ZBTB16: variants seen among roughly 807,000 people sequenced by gnomAD.
ZBTB16 encodes zinc finger and BTB domain containing 16.
A neutral mutation model predicts 56.8 loss-of-function variants in ZBTB16; 8 were observed. The observed-to-expected ratio is 0.14, with a 90% confidence interval of 0.08 to 0.25. ZBTB16 has a LOEUF of 0.25. Ranked by LOEUF, ZBTB16 falls within the 10% of genes least tolerant of loss-of-function variation. The probability of loss-of-function intolerance (pLI) is 1.00; values close to 1 mark genes in which losing one functional copy is unlikely to be tolerated. For missense variants in ZBTB16, 625 were observed against 903.0 expected (o/e 0.69, Z 3.95); for synonymous variants, 363 against 368.5 (o/e 0.98, Z 0.17).
In ZBTB16 at chr11:114,112,943, A is replaced by T. The variant is rs558413602; in HGVS notation, c.1269-43394A>T. On this transcript the variant is annotated intron_variant, in intron 2 of 6. Transcript: ENST00000335953. ...CCATACCTAGGTTTTTAAATTTTTT[A>T]AAATTTTTTCTTAGAGATGGGATCT... Among the ~76,000 whole-genome samples, 20 of 151,982 alleles carry T rather than the reference A, an allele frequency of 1.3e-4. No homozygotes were observed. In the South Asian group the frequency reaches 1.7e-3, roughly 13 times the overall value.
Position 114,063,826 on chromosome 11 carries a change from C to G in ZBTB16, c.526C>G (p.Leu176Val), listed in dbSNP as rs753409807. 1 of 1,614,158 alleles carries G rather than the reference C, an allele frequency of 6.2e-7. No homozygotes were observed. The highest frequency in any genetic ancestry group is 1.7e-5 in the Admixed American group (1 of 60,032). Residue 176 changes from leucine to valine, a missense_variant, in exon 2 of 7, where the codon CTC becomes GTC. Transcript: ENST00000335953. The surrounding 1 kb of genome is among the most constrained non-coding windows in gnomAD (Gnocchi z 6.5). ...SGYASVAGQS[L>V]PGPMVDQSPS... is the part of the protein sequence containing the mutation. ...GTATGCCAGTGTGGCTGGACAGAGC[C>G]TCCCTGGGCCCATGGTGGACCAGAG...
At chr11:114,242,387 C>G (rs1365899243) in intron 5 of ZBTB16, 50 bp downstream of exon 5, 1 of 1,602,876 alleles carries the variant, frequency 6.2e-7, no homozygotes. Context: ...GAGCCAGCGT[C>G]TATATTTACC....
chr11:114,120,317 T>G (rs1390917799), intron 2 of ZBTB16, among the ~76,000 whole-genome samples: 2 of 152,168 alleles, frequency 1.3e-5, no homozygotes, highest in African/African-American at 2.4e-5. Context: ...AATGGGGACA[T>G]GGGGCAGGGC....
chr11:114,228,317 T>C (rs904242995), intron 4 of ZBTB16, among the ~76,000 whole-genome samples: 7 of 152,216 alleles, frequency 4.6e-5, no homozygotes, highest in Non-Finnish European at 8.8e-5. Context: ...TATTTTGAGA[T>C]GACTGCAACA....
At chr11:114,115,520 C>T (rs1391401484) in intron 2 of ZBTB16, among the ~76,000 whole-genome samples, 2 of 152,006 alleles carry the variant, frequency 1.3e-5, no homozygotes, top group Non-Finnish European at 2.9e-5. Flanking sequence ...CCACCACATT[C>T]CTACCCCTAG....
chr11:114,105,390 C>T (rs1940755082), intron 2 of ZBTB16, among the ~76,000 whole-genome samples: 1 of 152,082 alleles, frequency 6.6e-6, no homozygotes, highest in South Asian at 2.1e-4. Flanking sequence ...ACAGGCATTG[C>T]CACTACGCCC....
chr11:114,145,459 C>T (rs983914295), intron 2 of ZBTB16, among the ~76,000 whole-genome samples: 3 of 152,154 alleles, frequency 2.0e-5, no homozygotes, highest in Admixed American at 2.0e-4. Flanking sequence ...TGGTATATCC[C>T]TACAGAGGAA....
chr11:114,173,274 C>T (rs1943017871), intron 3 of ZBTB16, among the ~76,000 whole-genome samples: 1 of 152,162 alleles, frequency 6.6e-6, no homozygotes, highest in Non-Finnish European at 1.5e-5. Context: ...TAAAAATAGA[C>T]ATGCTCTGTT....
intron 4 of ZBTB16, among the ~76,000 whole-genome samples, chr11:114,211,780 G>T (rs931377469): frequency 6.6e-6 from 1 of 152,198 alleles, no homozygotes; most frequent in Non-Finnish European, 1.5e-5. Flanking sequence ...TGCAGTGGGG[G>T]ATTGGGAGGG....
chr11:114,214,877 G>A (rs1944065255), intron 4 of ZBTB16, among the ~76,000 whole-genome samples: 1 of 152,052 alleles, frequency 6.6e-6, no homozygotes, highest in Admixed American at 6.6e-5. Flanking sequence ...TTTTCCTAAA[G>A]CAGAGAAGAA....
At chr11:114,126,705 A>C (rs1007553839) in intron 2 of ZBTB16, among the ~76,000 whole-genome samples, 50 of 152,016 alleles carry the variant, frequency 3.3e-4, no homozygotes, top group Admixed American at 2.9e-3. Flanking sequence ...TTCCTTGGAG[A>C]CTTTCACAAA....
At chr11:114,145,021 A>G (rs1942061597) in intron 2 of ZBTB16, among the ~76,000 whole-genome samples, 3 of 152,242 alleles carry the variant, frequency 2.0e-5, no homozygotes, top group Non-Finnish European at 4.4e-5. Flanking sequence ...ACATATAAAT[A>G]GCATTCTTTG....
Position 114,254,348 on chromosome 11 carries a change from A to G in ZBTB16, c.*3793A>G, listed in dbSNP as rs982064146. Among the ~76,000 whole-genome samples, 1 of 152,096 alleles carries G rather than the reference A, an allele frequency of 6.6e-6. No homozygotes were observed. Among genetic ancestry groups the G allele is most frequent in the Non-Finnish European group, 1.5e-5 (1 of 68,022 alleles). ...GATTCAGTACAATCCAAGGGATGCA[A>G]CGCGGGCTTGTTTAATCTTTGTGCC... On this transcript the variant is annotated 3_prime_UTR_variant, in exon 7 of 7. Coordinates refer to ENST00000335953, the MANE Select transcript of ZBTB16 (RefSeq NM_006006.6).
intron 2 of ZBTB16, among the ~76,000 whole-genome samples, chr11:114,132,461 G>C (rs1941690576): frequency 6.6e-6 from 1 of 152,302 alleles, no homozygotes; most frequent in East Asian, 1.9e-4. Context: ...TAGGGACAAT[G>C]GTAGCACCAG....
intron 2 of ZBTB16, among the ~76,000 whole-genome samples, chr11:114,128,370 G>A (rs142177377): frequency 2.6e-5 from 4 of 152,340 alleles, no homozygotes; most frequent in African/African-American, 9.6e-5. Flanking sequence ...CTGCATGGCC[G>A]TGGCCACATG....
intron 4 of ZBTB16, chr11:114,188,103 G>C (rs1265724653): frequency 1.3e-5 from 2 of 152,642 alleles, no homozygotes; most frequent in African/African-American, 4.8e-5. Context: ...TAAATGTAAT[G>C]TGCTTAAATC....
chr11:114,130,459 A>G (rs1941630645), intron 2 of ZBTB16, among the ~76,000 whole-genome samples: 1 of 152,238 alleles, frequency 6.6e-6, no homozygotes, highest in Non-Finnish European at 1.5e-5. Context: ...CCCCAAGGGC[A>G]TGACTGTGTA....
At position 114,247,201 on chromosome 11, in the gene ZBTB16, A is replaced by C. The variant is rs768800604; in HGVS notation, c.1628A>C (p.Asp543Ala). Residue 543 changes from aspartate to alanine, a missense_variant, in exon 6 of 7, where the codon GAC becomes GCC. Physicochemically the swap from Asp to Ala is moderately radical, Grantham distance 126. Transcript: ENST00000335953. ...LKRHLRSHTG[D>A]HPYECEFCGS... ...ATCCAGCCCCTTGTCTCCACAGGCG[A>C]CCACCCCTACGAGTGTGAGTTCTGT... 6.2e-7 allele frequency: 1 copy of C among 1,614,182 alleles called. No homozygotes were observed. Among genetic ancestry groups the C allele is most frequent in the South Asian group, 1.1e-5 (1 of 91,074 alleles).
At chr11:114,148,394 TCC>T (rs1942176092) in intron 2 of ZBTB16, among the ~76,000 whole-genome samples, 7 of 30,660 alleles carry the variant, frequency 2.3e-4, no homozygotes, top group African/African-American at 1.0e-3. Context: ...CCTTCCTCCT[TCC>T]CTCCCTCCCT....
Sources: allele counts gnomAD v4.1 joint callset (sites outside exome capture counted in the v4.1 genomes callset), GRCh38; gene constraint gnomAD v4.1.1; non-coding constraint Gnocchi (gnomAD v3.1); transcripts MANE v1.5; gene names NCBI Gene and HGNC (gene_info 2026-07-23, HGNC 2026-07-21).